WWP1: variants seen among roughly 807,000 people sequenced by gnomAD.
The protein encoded by WWP1 is NEDD4-like E3 ubiquitin-protein ligase WWP1.
A neutral mutation model predicts 130.6 loss-of-function variants in WWP1; 49 were observed. The observed-to-expected ratio is 0.38, with a 90% CI of 0.30 to 0.48. The LOEUF (loss-of-function observed/expected upper bound fraction) is 0.48, where lower values mean the gene tolerates loss of function less well. WWP1 is among the 20% of genes least tolerant of loss of function. WWP1 has a pLI of 0.99. For missense variants in WWP1, 809 were observed against 1,100.6 expected, an observed-to-expected ratio of 0.74 and a Z score of 3.75; for synonymous variants, 332 against 367.8, an observed-to-expected ratio of 0.90 and a Z score of 1.11.
At position 86,466,823 on chromosome 8, in the gene WWP1, A is replaced by G. The variant is rs1205421104; in HGVS notation, c.2699A>G (p.Lys900Arg). ...AATCGCTTGGATCTACCACCATATA[A>G]GAGTTATGAACAACTAAAGGAAAAA... ...CFNRLDLPPY[K>R]SYEQLKEKLL... The change falls in exon 25 of 25, where the codon AAG becomes AGG. Residue 900 changes from lysine to arginine, a missense_variant. Physicochemically the swap from Lys to Arg is conservative, Grantham distance 26 (BLOSUM62 2). This residue lies in a region of WWP1 where 450 missense variants were observed against 674.2 expected (regional missense o/e 0.67). Coordinates refer to ENST00000517970, the MANE Select transcript of WWP1 (RefSeq NM_007013.4). 3 of 1,603,960 alleles carry G rather than the reference A, an allele frequency of 1.9e-6. No homozygotes were observed. Among genetic ancestry groups the G allele is most frequent in the East Asian group, 4.5e-5 (2 of 44,652 alleles).
intron 10 of WWP1, among the ~76,000 whole-genome samples, 159 bp from the exon 11 acceptor site, chr8:86,427,484 A>G (rs949345140): frequency 6.6e-6 from 1 of 152,246 alleles, no homozygotes; most frequent in Non-Finnish European, 1.5e-5. Context: ...TAGTGGTAGA[A>G]TGGGAAGGTA....
At chr8:86,385,692 T>C (rs1825241567) in intron 5 of WWP1, among the ~76,000 whole-genome samples, 1 of 152,140 alleles carries the variant, frequency 6.6e-6, no homozygotes, top group Non-Finnish European at 1.5e-5. Context: ...ATAACAATTA[T>C]AGACCACAAA....
intron 1 of WWP1, among the ~76,000 whole-genome samples, chr8:86,362,063 C>CATATATATATACACATATATACACATAT (rs35467457): frequency 7.6e-6 from 1 of 131,948 alleles, no homozygotes; most frequent in African/African-American, 2.9e-5. Context: ...TATATACACA[C>CATATATATATACACATATATACACATAT]ATATATATAC....
intron 18 of WWP1, 58 bp downstream of exon 18, chr8:86,442,836 G>GC: frequency 7.2e-7 from 1 of 1,396,984 alleles, no homozygotes; most frequent in Non-Finnish European, 9.3e-7. Context: ...ATTAGAGAAG[G>GC]CTTTTAAAAA....
intron 1 of WWP1, among the ~76,000 whole-genome samples, chr8:86,348,152 G>A (rs1258692584): frequency 6.6e-6 from 1 of 152,014 alleles, no homozygotes; most frequent in East Asian, 1.9e-4. Context: ...TAAGTTATAA[G>A]GAAGACTAGC....
Position 86,383,010 on chromosome 8 carries a change from C to T in WWP1, c.334+1381C>T, listed in dbSNP as rs1193008199. Among the ~76,000 whole-genome samples, 17 of 151,932 alleles carry T rather than the reference C, an allele frequency of 1.1e-4. 1 individual carries two copies. The highest frequency in any genetic ancestry group is 1.1e-3 in the Admixed American group (17 of 15,244). On this transcript the variant is annotated intron_variant, in intron 5 of 24. Transcript: ENST00000517970. ...ATGTAACTTAAAGATCTGTTTTGATCTAGTTTTTGGAAATAAGTGAGTTAT... is the reference window on the plus strand; with the variant it reads ...ATGTAACTTAAAGATCTGTTTTGATTTAGTTTTTGGAAATAAGTGAGTTAT...
At chr8:86,448,746 A>T (rs908028748) in intron 20 of WWP1, among the ~76,000 whole-genome samples, 3 of 152,144 alleles carry the variant, frequency 2.0e-5, no homozygotes, top group African/African-American at 7.2e-5. Context: ...TAGGCTTTTA[A>T]ATAGTGCTCA....
At chr8:86,419,904 G>C (rs1381725689) in intron 9 of WWP1, among the ~76,000 whole-genome samples, 1 of 152,178 alleles carries the variant, frequency 6.6e-6, no homozygotes, top group Non-Finnish European at 1.5e-5. Context: ...CGAAAAGCTA[G>C]AAGACAGTGG....
intron 1 of WWP1, among the ~76,000 whole-genome samples, chr8:86,364,297 A>C (rs2130235527): frequency 6.6e-6 from 1 of 152,336 alleles, no homozygotes; most frequent in East Asian, 1.9e-4. Flanking sequence ...GGGTCATAGA[A>C]TAATTTTGAG....
At chr8:86,380,981 C>A in intron 4 of WWP1, 117 bp downstream of exon 4, 6 of 1,242,896 alleles carry the variant, frequency 4.8e-6, no homozygotes, top group African/African-American at 3.1e-5. Flanking sequence ...AAGTGTGGAT[C>A]GACAATTTAA....
At chr8:86,422,697 ATTC>A (rs1409297979) in intron 9 of WWP1, among the ~76,000 whole-genome samples, 3 of 152,124 alleles carry the variant, frequency 2.0e-5, no homozygotes, top group Non-Finnish European at 2.9e-5. Context: ...TTTAAAAATT[ATTC>A]TTCTTTACCA....
At chr8:86,354,630 C>A (rs947605870) in intron 1 of WWP1, among the ~76,000 whole-genome samples, 4 of 152,124 alleles carry the variant, frequency 2.6e-5, no homozygotes, top group Non-Finnish European at 5.9e-5. Flanking sequence ...ACATGAATAA[C>A]TTGAAAATAT....
intron 20 of WWP1, 54 bp downstream of exon 20, chr8:86,448,567 C>G: frequency 6.5e-7 from 1 of 1,544,012 alleles, no homozygotes; most frequent in Non-Finnish European, 8.8e-7. Flanking sequence ...AGAACTAAAT[C>G]CTCTCTCTGT....
intron 1 of WWP1, among the ~76,000 whole-genome samples, chr8:86,366,579 T>G (rs1823982879): frequency 6.6e-6 from 1 of 152,228 alleles, no homozygotes; most frequent in African/African-American, 2.4e-5. Flanking sequence ...TGGTTTTTCC[T>G]TTCTGAATTT....
At chr8:86,465,783 C>T (rs946263414) in intron 24 of WWP1, among the ~76,000 whole-genome samples, 1 of 152,108 alleles carries the variant, frequency 6.6e-6, no homozygotes, top group African/African-American at 2.4e-5. Flanking sequence ...TCATACTCTA[C>T]CTTGAAGTAT....
intron 24 of WWP1, among the ~76,000 whole-genome samples, chr8:86,465,363 C>T (rs910293597): frequency 1.3e-5 from 2 of 151,928 alleles, no homozygotes; most frequent in Non-Finnish European, 2.9e-5. Flanking sequence ...TCTGATGGTC[C>T]AGGTAAGAGA....
rs188409853 is a variant in WWP1, at chr8:86,424,711, G to A, written c.1062-512G>A. On this transcript the variant is annotated intron_variant, in intron 9 of 24. Coordinates refer to ENST00000517970, the MANE Select transcript of WWP1 (RefSeq NM_007013.4). ...TCGCAGGCACTCGGCAGGCTGAGGC[G>A]GGAGAATCAGGCAGGGAGGTTGCAG... 3.9e-3 allele frequency among the ~76,000 whole-genome samples: 579 copies of A among 150,324 alleles called. 4 individuals are homozygous for A. Among genetic ancestry groups the A allele is most frequent in the African/African-American group, 0.011 (446 of 40,962 alleles).
At position 86,364,833 on chromosome 8, in the gene WWP1, AAGAGAG is replaced by A. The variant is rs1012959189; in HGVS notation, c.-114-4086_-114-4081del. ...AAAGAAAGAAAGAAAGAAAGAAAGAAAGAGAGAGAGAGAGAGAGAGAGAGAAAGAAG... is the reference window on the plus strand; with the variant it reads ...AAAGAAAGAAAGAAAGAAAGAAAGAAAGAGAGAGAGAGAGAGAGAAAGAAG... On this transcript the variant is annotated intron_variant, in intron 1 of 24. Coordinates refer to ENST00000517970, the MANE Select transcript of WWP1 (RefSeq NM_007013.4). 4.9e-4 allele frequency among the ~76,000 whole-genome samples: 56 copies of A among 113,826 alleles called. No homozygotes were observed. In the South Asian group the frequency reaches 8.6e-3, roughly 18 times the overall value. The allele number at this position is 113,826 out of a possible 152,430, so 74.7% of individuals were successfully genotyped here. A position where few individuals can be genotyped will look rare whatever the true frequency, so the allele number is the denominator to read the frequency against.
At position 86,375,202 on chromosome 8, in the gene WWP1, T is replaced by C. The variant is rs538892779; in HGVS notation, c.70+1082T>C. On this transcript the variant is annotated intron_variant, in intron 3 of 24. Coordinates refer to ENST00000517970, the MANE Select transcript of WWP1 (RefSeq NM_007013.4). ...AAGATTTCTTTGTGTGTTTTCCCCC[T>C]TTAGGACGTATAATCAAAATACCAT... 3.9e-5 allele frequency among the ~76,000 whole-genome samples: 6 copies of C among 152,316 alleles called. No homozygotes were observed. In the South Asian group the frequency reaches 1.2e-3, roughly 32 times the overall value.
Sources: allele counts gnomAD v4.1 joint callset (sites outside exome capture counted in the v4.1 genomes callset), GRCh38; gene constraint gnomAD v4.1.1; regional missense constraint gnomAD v4.1.1; transcripts MANE v1.5; gene names NCBI Gene and HGNC (gene_info 2026-07-23, HGNC 2026-07-21).